NAA38: variants seen among roughly 807,000 people sequenced by gnomAD.
NAA38 encodes N-alpha-acetyltransferase 38, NatC auxiliary subunit.
A neutral mutation model predicts 12.6 loss-of-function variants in NAA38; 15 were observed. The ratio of observed to expected loss-of-function variants is 1.19; its 90% CI spans 0.79 to 1.83. The LOEUF (loss-of-function observed/expected upper bound fraction) is 1.83, where lower values mean the gene tolerates loss of function less well. NAA38 is among the 40% of genes most tolerant of loss of function. The pLI is 0.00. For synonymous variants in NAA38, 88 were observed against 69.9 expected (o/e 1.26, Z -1.29); for missense variants, 183 against 171.7 (o/e 1.07, Z -0.37).
At chr17:7,866,269 T>C (rs2151389053) in intron 3 of NAA38, among the ~76,000 whole-genome samples, 1 of 142,600 alleles carries the variant, frequency 7.0e-6, no homozygotes, top group South Asian at 2.2e-4. Flanking sequence ...TTTTTTTTTT[T>C]TTTTTTTTTT....
At chr17:7,885,064 G>C (rs1324074049) in intron 1 of NAA38, 3 of 984,218 alleles carry the variant, frequency 3.0e-6, no homozygotes, top group South Asian at 4.6e-5. Context: ...TGCCCCCGCC[G>C]CCGCCGCCCC....
At chr17:7,866,319 A>G (rs1966978113) in intron 3 of NAA38, among the ~76,000 whole-genome samples, 1 of 135,238 alleles carries the variant, frequency 7.4e-6, no homozygotes, top group South Asian at 2.4e-4. Flanking sequence ...CGTGTTAGCC[A>G]GGATGGTCTT....
upstream of NAA38, chr17:7,860,952 T>C (rs147820314): frequency 6.6e-6 from 1 of 152,196 alleles, no homozygotes; most frequent in African/African-American, 2.4e-5. Flanking sequence ...AGGAGGCAGT[T>C]TGCCACTTGG....
chr17:7,858,580 C>A (rs761084853), upstream of NAA38: 4 of 1,608,538 alleles, frequency 2.5e-6, no homozygotes, highest in Non-Finnish European at 3.4e-6. Context: ...TGCTCTGACA[C>A]CCTCGCCCCA....
At chr17:7,882,876 CAGCAGTTACACTGGAGAGGTAG>C (rs1222749323) in intron 2 of NAA38, among the ~76,000 whole-genome samples, 1 of 152,120 alleles carries the variant, frequency 6.6e-6, no homozygotes, top group African/African-American at 2.4e-5. Context: ...GATGGGTGGC[CAGCAGTTACACTGGAGAGGTAG>C]AGGAATAACC....
upstream of NAA38, chr17:7,859,552 C>T (rs754107555): frequency 3.1e-6 from 5 of 1,614,138 alleles, no homozygotes; most frequent in South Asian, 2.2e-5. Context: ...TCAGTATGGA[C>T]GGTACACTTC....
At chr17:7,859,291 C>T, upstream of NAA38, 2 of 1,007,970 alleles carry the variant, frequency 2.0e-6, no homozygotes, top group Non-Finnish European at 3.0e-6. Context: ...CCTGAAGCTG[C>T]TATCTGCCAA....
chr17:7,858,073 T>C (rs1365462970), upstream of NAA38: 8 of 1,599,488 alleles, frequency 5.0e-6, no homozygotes, highest in African/African-American at 1.3e-5. Context: ...GTAGTAGTAG[T>C]GAGTACGTGC....
intron 2 of NAA38, among the ~76,000 whole-genome samples, chr17:7,870,372 AGAT>A (rs1967064936): frequency 6.6e-6 from 1 of 152,264 alleles, no homozygotes; most frequent in Admixed American, 6.5e-5. Flanking sequence ...CTTCTGATTA[AGAT>A]GATATTCCTT....
chr17:7,872,021 T>A (rs1399410092), intron 2 of NAA38, among the ~76,000 whole-genome samples: 1 of 152,208 alleles, frequency 6.6e-6, no homozygotes, highest in Non-Finnish European at 1.5e-5. Flanking sequence ...AATAATTTTG[T>A]AAGCCCTGGT....
intron 2 of NAA38, among the ~76,000 whole-genome samples, chr17:7,882,871 G>A (rs1468734670): frequency 6.6e-6 from 1 of 152,182 alleles, no homozygotes; most frequent in Non-Finnish European, 1.5e-5. Context: ...CCGAAGATGG[G>A]TGGCCAGCAG....
chr17:7,858,002 C>CA, upstream of NAA38: 1 of 1,516,300 alleles, frequency 6.6e-7, no homozygotes, highest in Non-Finnish European at 8.8e-7. Flanking sequence ...CGGAAAAGGA[C>CA]AATGGTTTCC....
At chr17:7,858,821 G>A, upstream of NAA38, 1 of 1,538,572 alleles carries the variant, frequency 6.5e-7, no homozygotes, top group Non-Finnish European at 8.8e-7. Flanking sequence ...AGCACACACT[G>A]GAGGTGAGAA....
intron 2 of NAA38, among the ~76,000 whole-genome samples, chr17:7,882,023 G>GGA (rs763223199): frequency 2.4e-4 from 37 of 151,484 alleles, no homozygotes; most frequent in Admixed American, 1.2e-3. Flanking sequence ...CAAGAGGTCA[G>GGA]GAGAGAGAGA....
upstream of NAA38, chr17:7,859,529 G>T (rs766178301): frequency 1.2e-6 from 2 of 1,614,160 alleles, no homozygotes; most frequent in Middle Eastern, 1.6e-4. Context: ...TGAGGAGGAA[G>T]AATTTGACTA....
Position 7,857,033 on chromosome 17 carries a change from C to A in NAA38, c.247G>T (p.Glu83Ter). 2 of 1,611,116 alleles carry A rather than the reference C, an allele frequency of 1.2e-6. No homozygotes were observed. Among genetic ancestry groups the A allele is most frequent in the Non-Finnish European group, 1.7e-6 (2 of 1,178,312 alleles). ...CACTGACCCGACGGCTTGAGGAACT[C>A]CTGCGCCGAGCCCAGGATGACATTG... ...DCNVILGSAQ[E>*]FLKPSDSFSA... Residue 83 changes from glutamate to a stop codon, truncating the protein, a stop_gained, in exon 2 of 3, where the codon GAG becomes TAG. Coordinates refer to ENST00000575771, the MANE Select transcript of NAA38 (RefSeq NM_001320925.4). LOFTEE classifies it high-confidence loss of function.
At position 7,879,445 on chromosome 17, in the gene NAA38, AT is replaced by A. The variant is rs148020333; in HGVS notation, c.-66+3789del. On this transcript the variant is annotated intron_variant, in intron 2 of 4. Transcript: ENST00000576861. The stretch of plus-strand genomic sequence containing the variant: ...AAAACATATGTGACATTTTGTGTGT[AT>A]TTTTTTTTTCTGGAGAAAGTTTCTA... 1.9e-3 allele frequency among the ~76,000 whole-genome samples: 291 copies of A among 149,270 alleles called. 2 individuals carry two copies. The highest frequency in any genetic ancestry group is 3.4e-3 in the Non-Finnish European group (231 of 67,154).
chr17:7,880,453 G>T (rs1270797760), intron 2 of NAA38, among the ~76,000 whole-genome samples: 1 of 152,242 alleles, frequency 6.6e-6, no homozygotes, highest in Non-Finnish European at 1.5e-5. Flanking sequence ...GTTAGAGGTT[G>T]TGTCTTTGTC....
intron 1 of NAA38, 76 bp downstream of exon 1, chr17:7,857,307 G>T (rs1267862824): frequency 6.2e-7 from 1 of 1,612,190 alleles, no homozygotes; most frequent in Non-Finnish European, 8.5e-7. Context: ...AGAGGCTGCC[G>T]GGAGCTGCAG....
Sources: allele counts gnomAD v4.1 joint callset (sites outside exome capture counted in the v4.1 genomes callset), GRCh38; gene constraint gnomAD v4.1.1; transcripts MANE v1.5; gene names NCBI Gene and HGNC (gene_info 2026-07-23, HGNC 2026-07-21).